Variants in TBXAS1 observed in about 807,000 individuals in gnomAD.
TBXAS1 encodes the protein thromboxane-A synthase.
In TBXAS1, 48 loss-of-function variants were observed where a neutral mutation model predicts 60.7. The ratio of observed to expected loss-of-function variants is 0.79; its 90% CI spans 0.63 to 1.01. The LOEUF is 1.01. TBXAS1 is among the 50% of genes least tolerant of loss of function. The pLI, the probability that TBXAS1 is intolerant of heterozygous loss-of-function variation, is 0.00. For synonymous variants in TBXAS1, 287 were observed against 269.7 expected, an observed-to-expected ratio of 1.06 and a Z score of -0.63; for missense variants, 685 against 686.3, an observed-to-expected ratio of 1.00 and a Z score of 0.02.
intron 4 of TBXAS1, among the ~76,000 whole-genome samples, chr7:139,818,348 C>T (rs1798207266): frequency 6.6e-6 from 1 of 152,190 alleles, no homozygotes; most frequent in Non-Finnish European, 1.5e-5. Flanking sequence ...ACCACCAGTA[C>T]AGACAGGGAT....
intron 4 of TBXAS1, among the ~76,000 whole-genome samples, chr7:139,810,857 C>T (rs1366243556): frequency 6.6e-6 from 1 of 152,186 alleles, no homozygotes; most frequent in Non-Finnish European, 1.5e-5. Flanking sequence ...ATTTATATTT[C>T]AAAAATAAAT....
In TBXAS1 at chr7:139,789,226, C is replaced by T. The variant is rs1021481291; in HGVS notation, c.-80+1800C>T. 1.3e-4 allele frequency: 20 copies of T among 151,840 alleles called. No individual in the cohort carries two copies. In the East Asian group the frequency reaches 3.7e-3, roughly 28 times the overall value. 9.4% of individuals were successfully genotyped at this position (151,840 alleles called of 1,614,324 possible). On this transcript the variant is annotated intron_variant, in intron 4 of 16. Transcript: ENST00000336425. ...TAATATGTTTAATCTCTCTCTCTCT[C>T]TCTCTCTCTCTCTCTTTCTTTCTCC...
At chr7:139,891,884 G>A (rs1396300502) in intron 3 of TBXAS1, among the ~76,000 whole-genome samples, 1 of 152,184 alleles carries the variant, frequency 6.6e-6, no homozygotes, top group East Asian at 1.9e-4. Context: ...AAGGAATTAG[G>A]GGGAGAGTCT....
chr7:139,978,177 G>A (rs1441891920), intron 9 of TBXAS1, among the ~76,000 whole-genome samples: 1 of 152,108 alleles, frequency 6.6e-6, no homozygotes, highest in African/African-American at 2.4e-5. Flanking sequence ...GTGGGGTCAA[G>A]TCTTCAATAT....
chr7:139,815,745 C>T (rs374628834), intron 4 of TBXAS1, among the ~76,000 whole-genome samples: 6 of 152,156 alleles, frequency 3.9e-5, no homozygotes, highest in South Asian at 4.2e-4. Context: ...CCAGGGCTTC[C>T]GTAGGAGGAG....
intron 3 of TBXAS1, among the ~76,000 whole-genome samples, chr7:139,787,038 T>G (rs1797222247): frequency 6.6e-6 from 1 of 152,240 alleles, no homozygotes; most frequent in Non-Finnish European, 1.5e-5. Flanking sequence ...GCTAACAGCA[T>G]CTTAGTCATT....
At chr7:139,790,387 TC>T (rs1180844210) in intron 4 of TBXAS1, among the ~76,000 whole-genome samples, 2 of 152,252 alleles carry the variant, frequency 1.3e-5, no homozygotes, top group Non-Finnish European at 2.9e-5. Flanking sequence ...TTTTTAAAAT[TC>T]CCATTTCTTT....
intron 10 of TBXAS1, among the ~76,000 whole-genome samples, chr7:140,011,268 C>T (rs931598409): frequency 2.7e-5 from 3 of 111,620 alleles, no homozygotes; most frequent in Non-Finnish European, 3.6e-5. Flanking sequence ...CAGAGCGAGA[C>T]TCTGTCTCAA....
At chr7:139,965,888 A>AT (rs570672163) in intron 9 of TBXAS1, among the ~76,000 whole-genome samples, 6,354 of 138,996 alleles carry the variant, frequency 0.046, 179 homozygotes, top group African/African-American at 0.084. Flanking sequence ...TATTTTTTTA[A>AT]TTTTTTTTTT....
At chr7:139,821,828 A>G (rs1585555222) in intron 4 of TBXAS1, among the ~76,000 whole-genome samples, 1 of 151,980 alleles carries the variant, frequency 6.6e-6, no homozygotes, top group Admixed American at 6.6e-5. Flanking sequence ...GTCTCTCTAC[A>G]CCCTCCACTT....
At chr7:139,926,538 GC>G (rs1212981532) in intron 4 of TBXAS1, among the ~76,000 whole-genome samples, 1 of 151,696 alleles carries the variant, frequency 6.6e-6, no homozygotes, top group East Asian at 1.9e-4. Context: ...TCTTAGTCTG[GC>G]TAAAGGTTTG....
rs1314255695 is a variant in TBXAS1, at chr7:139,903,783, A to C, written c.237-7442A>C. Reference sequence around the variant, plus strand: ...AATTGTCTATTCAGGTCCTTAGCCCACTTTTTGATGGGATTGTTTGTTTTT... The same window carrying C: ...AATTGTCTATTCAGGTCCTTAGCCCCCTTTTTGATGGGATTGTTTGTTTTT... On this transcript the variant is annotated intron_variant, in intron 3 of 12. Coordinates refer to ENST00000448866, the MANE Select transcript of TBXAS1 (RefSeq NM_001061.7). Among the ~76,000 whole-genome samples the C allele has an allele frequency of 2.0e-5, 3 of 151,816 alleles. 1 individual carries two copies. Among genetic ancestry groups the C allele is most frequent in the African/African-American group, 7.3e-5 (3 of 41,202 alleles).
chr7:139,816,140 G>A (rs567368192), intron 4 of TBXAS1, among the ~76,000 whole-genome samples: 22 of 152,194 alleles, frequency 1.4e-4, no homozygotes, highest in South Asian at 8.3e-4. Context: ...CTCTCCTGCC[G>A]CCTTGTGAAG....
Position 139,910,716 on chromosome 7 carries a change from C to T in TBXAS1, c.237-509C>T, listed in dbSNP as rs553367930. 3.9e-5 allele frequency among the ~76,000 whole-genome samples: 6 copies of T among 152,266 alleles called. No homozygotes were observed. In the East Asian group the frequency reaches 1.2e-3, roughly 29 times the overall value. On this transcript the variant is annotated intron_variant, in intron 3 of 12. Coordinates refer to ENST00000448866, the MANE Select transcript of TBXAS1 (RefSeq NM_001061.7). ...GTGGCGACCAGATATTCAGTTCTTCCCAAGCAGGTTTAATCTTTCCTCACA... is the reference window on the plus strand; with the variant it reads ...GTGGCGACCAGATATTCAGTTCTTCTCAAGCAGGTTTAATCTTTCCTCACA...
At chr7:139,979,760 TAA>T (rs1811834281) in intron 9 of TBXAS1, among the ~76,000 whole-genome samples, 1 of 142,140 alleles carries the variant, frequency 7.0e-6, no homozygotes, top group East Asian at 2.0e-4. Context: ...ATAATAATAA[TAA>T]TAATAAATAA....
At chr7:139,917,231 G>A (rs1258828796) in intron 4 of TBXAS1, among the ~76,000 whole-genome samples, 1 of 152,144 alleles carries the variant, frequency 6.6e-6, no homozygotes, top group Non-Finnish European at 1.5e-5. Context: ...AGAAACACAG[G>A]TGTGCAACCT....
chr7:139,992,885 A>G (rs1002601725), intron 9 of TBXAS1, among the ~76,000 whole-genome samples: 4 of 152,190 alleles, frequency 2.6e-5, no homozygotes, highest in East Asian at 1.9e-4. Context: ...TAAAAAGGGA[A>G]TTAGGCCTGG....
intron 3 of TBXAS1, among the ~76,000 whole-genome samples, chr7:139,786,692 A>G (rs138811890): frequency 2.8e-4 from 42 of 152,352 alleles, no homozygotes; most frequent in African/African-American, 8.4e-4. Context: ...TACCTGCCCA[A>G]GAAAGTAAAT....
chr7:140,001,171 T>G (rs940878883), intron 9 of TBXAS1, among the ~76,000 whole-genome samples: 1 of 152,182 alleles, frequency 6.6e-6, no homozygotes, highest in Admixed American at 6.5e-5. Context: ...ATTTTGAGAT[T>G]TCCCCCCAGC....
Sources: allele counts gnomAD v4.1 joint callset (sites outside exome capture counted in the v4.1 genomes callset), GRCh38; gene constraint gnomAD v4.1.1; transcripts MANE v1.5; gene names NCBI Gene and HGNC (gene_info 2026-07-23, HGNC 2026-07-21).